Variants in MYLK observed in about 807,000 individuals in gnomAD.
MYLK encodes the protein myosin light chain kinase, also known as myosin light chain kinase, smooth muscle.
A neutral mutation model predicts 203.4 loss-of-function variants in MYLK; 106 were observed. The observed-to-expected ratio is 0.52, with a 90% CI of 0.45 to 0.61. The LOEUF (loss-of-function observed/expected upper bound fraction) is 0.61. Ranked by LOEUF, MYLK falls within the 20% of genes least tolerant of loss-of-function variation. MYLK has a pLI of 0.00. For missense variants in MYLK, 2,072 were observed against 2,442.3 expected (o/e 0.85, Z 3.20); for synonymous variants, 867 against 959.5 (o/e 0.90, Z 1.78).
chr3:123,775,029 A>AT (rs869245535), intron 4 of MYLK, among the ~76,000 whole-genome samples: 31 of 146,662 alleles, frequency 2.1e-4, no homozygotes, highest in East Asian at 6.0e-4. Context: ...AACATGGTAA[A>AT]TTTTTTTTTT....
chr3:123,641,244 C>G (rs2058821924), intron 27 of MYLK, among the ~76,000 whole-genome samples: 1 of 152,172 alleles, frequency 6.6e-6, no homozygotes, highest in Admixed American at 6.5e-5. Flanking sequence ...GCCCCGGGGT[C>G]TCAGCCATCA....
In MYLK at chr3:123,629,443, G is replaced by A; in HGVS notation, c.5114+31C>T. The A allele has an allele frequency of 6.2e-7, 1 of 1,613,768 alleles. No homozygotes were observed. The highest frequency in any genetic ancestry group is 8.5e-7 in the Non-Finnish European group (1 of 1,179,810). ...CTTCCCAACACAGGGCAGGGAGTAG[G>A]GAAGCAAAGACTGAAATCCCAACTC... On this transcript the variant is annotated intron_variant, in intron 30 of 33. Transcript: ENST00000360304. This position sits in a 1 kb window ranked among gnomAD's most constrained non-coding sequence, Gnocchi z 4.4.
rs997551599 is a variant in MYLK, at chr3:123,657,483, A to C, written c.3986-55T>G. On this transcript the variant is annotated intron_variant, in intron 23 of 33. Transcript: ENST00000360304. ...CACTTTCCAGAATTGCAGGCAAAGG[A>C]AGTTTTTGAATTACCTGTGTCATGG... is the stretch of plus-strand genomic sequence containing the variant. 5.7e-6 allele frequency: 9 copies of C among 1,581,074 alleles called. No individual in the cohort carries two copies. The Admixed American group carries it at 7.0e-5, about 12-fold the overall frequency.
At chr3:123,645,643 C>A (rs907186645) in intron 27 of MYLK, among the ~76,000 whole-genome samples, 2 of 152,206 alleles carry the variant, frequency 1.3e-5, no homozygotes, top group African/African-American at 4.8e-5. Context: ...TATAGATATT[C>A]ACAGGCATGA....
At chr3:123,862,612 T>C (rs2032016049) in intron 2 of MYLK, among the ~76,000 whole-genome samples, 1 of 152,224 alleles carries the variant, frequency 6.6e-6, no homozygotes, top group Non-Finnish European at 1.5e-5. Context: ...TCTGGCTTTA[T>C]GACTCTTGCT....
At chr3:123,687,714 C>A (rs1196074911) in intron 19 of MYLK, among the ~76,000 whole-genome samples, 1 of 151,116 alleles carries the variant, frequency 6.6e-6, no homozygotes, top group Non-Finnish European at 1.5e-5. Context: ...CTCTGTCCCA[C>A]AGGCTGGAGT....
intron 12 of MYLK, 122 bp from the exon 13 acceptor site, chr3:123,722,402 T>G (rs1453076932): frequency 1.4e-5 from 16 of 1,120,230 alleles, no homozygotes; most frequent in Non-Finnish European, 1.8e-5. Flanking sequence ...TCAGATCCAC[T>G]GAGGGCTAAT....
intron 20 of MYLK, among the ~76,000 whole-genome samples, chr3:123,678,865 G>A (rs2060161992): frequency 6.6e-6 from 1 of 152,126 alleles, no homozygotes; most frequent in Non-Finnish European, 1.5e-5. Flanking sequence ...GAGTAGAATT[G>A]GGGTGAGATG....
At chr3:123,881,388 G>C (rs535231037) in intron 1 of MYLK, among the ~76,000 whole-genome samples, 34 of 152,222 alleles carry the variant, frequency 2.2e-4, no homozygotes, top group Non-Finnish European at 4.6e-4. Flanking sequence ...GTCTTTTGTT[G>C]GGAAAGGATA....
At chr3:123,874,488 A>C (rs925112961) in intron 2 of MYLK, among the ~76,000 whole-genome samples, 17 of 152,182 alleles carry the variant, frequency 1.1e-4, no homozygotes, top group African/African-American at 3.9e-4. Context: ...AAATTAACTT[A>C]AAATGGATCA....
At chr3:123,690,428 C>A (rs1358395421) in intron 19 of MYLK, among the ~76,000 whole-genome samples, 1 of 152,162 alleles carries the variant, frequency 6.6e-6, no homozygotes, top group Non-Finnish European at 1.5e-5. Context: ...GAGGCACAAA[C>A]CCACTGGGAT....
chr3:123,646,542 C>T (rs552408811), intron 27 of MYLK, among the ~76,000 whole-genome samples: 1 of 152,046 alleles, frequency 6.6e-6, no homozygotes, highest in South Asian at 2.1e-4. Context: ...TGTGTGTGTG[C>T]GTGTGTACAC....
chr3:123,736,337 T>C (rs2062672525), intron 8 of MYLK, among the ~76,000 whole-genome samples: 1 of 152,054 alleles, frequency 6.6e-6, no homozygotes, highest in East Asian at 1.9e-4. Context: ...AGAGCAAAGA[T>C]GAATCGTTTC....
intron 7 of MYLK, 150 bp from the exon 8 acceptor site, chr3:123,737,693 C>G: frequency 1.0e-6 from 1 of 992,224 alleles, no homozygotes; most frequent in Non-Finnish European, 1.6e-6. Flanking sequence ...CTCAGAGAGC[C>G]AACTTTAAAC....
rs112153773 is a variant in MYLK, at chr3:123,789,965, G to A, written c.165+3712C>T. 8.4e-3 allele frequency among the ~76,000 whole-genome samples: 1,275 copies of A among 152,200 alleles called. 18 individuals are homozygous for A. The highest frequency in any genetic ancestry group is 0.03 in the African/African-American group (1,230 of 41,510). On this transcript the variant is annotated intron_variant, in intron 4 of 33. Coordinates refer to ENST00000360304, the MANE Select transcript of MYLK (RefSeq NM_053025.4). ...GAGACACTATCTCCACATGCATCTC[G>A]CGAGCTATTTATCAGTTAGGAATAC... is the stretch of plus-strand genomic sequence containing the variant.
chr3:123,681,854 C>G (rs1364460937), intron 20 of MYLK: 3 of 334,002 alleles, frequency 9.0e-6, no homozygotes, highest in Non-Finnish European at 1.7e-5. Flanking sequence ...GAGTTACAAT[C>G]CAGAAAGAGC....
intron 4 of MYLK, among the ~76,000 whole-genome samples, chr3:123,776,347 G>A (rs1238961670): frequency 6.6e-6 from 1 of 152,178 alleles, no homozygotes; most frequent in Non-Finnish European, 1.5e-5. Flanking sequence ...AGTGCAAGCT[G>A]AAGAAGACAA....
At chr3:123,772,054 C>T (rs562438475) in intron 4 of MYLK, among the ~76,000 whole-genome samples, 53 of 151,990 alleles carry the variant, frequency 3.5e-4, no homozygotes, top group East Asian at 9.7e-4. Flanking sequence ...GTAGCTATTA[C>T]GATTAGGAAA....
At chr3:123,780,627 C>T (rs2064259436) in intron 4 of MYLK, among the ~76,000 whole-genome samples, 1 of 152,182 alleles carries the variant, frequency 6.6e-6, no homozygotes, top group Non-Finnish European at 1.5e-5. Flanking sequence ...CCAGATCACA[C>T]TGTTGGTCTT....
Sources: allele counts gnomAD v4.1 joint callset (sites outside exome capture counted in the v4.1 genomes callset), GRCh38; gene constraint gnomAD v4.1.1; non-coding constraint Gnocchi (gnomAD v3.1); transcripts MANE v1.5; gene names NCBI Gene and HGNC (gene_info 2026-07-23, HGNC 2026-07-21).